The following TEX11 variants were observed in gnomAD, a reference collection of about 807,000 sequenced individuals.
The protein encoded by TEX11 is testis-expressed protein 11.
In TEX11, 7 loss-of-function variants were observed where a neutral mutation model predicts 84.4. The observed-to-expected ratio is 0.08, with a 90% CI of 0.05 to 0.16. The LOEUF is 0.16. TEX11 is among the 10% of genes least tolerant of loss of function. The pLI, the probability that TEX11 is intolerant of heterozygous loss-of-function variation, is 1.00. For missense variants in TEX11, 551 were observed against 660.5 expected, an observed-to-expected ratio of 0.83 and a Z score of 1.82; for synonymous variants, 264 against 222.8, an observed-to-expected ratio of 1.18 and a Z score of -1.64.
At chrX:70,657,772 G>C (rs1212267231) in intron 16 of TEX11, among the ~76,000 whole-genome samples, 1 of 108,315 alleles carries the variant, frequency 9.2e-6, no homozygotes, top group Non-Finnish European at 1.9e-5. Flanking sequence ...CATGTCCTTT[G>C]TAGGTACATG....
rs1020196637 is a variant in TEX11 at position 70,789,568 on chromosome X, A to G, written c.692+17137T>C. On this transcript the variant is annotated intron_variant, in intron 9 of 29. Coordinates refer to ENST00000374333, the MANE Select transcript of TEX11 (RefSeq NM_031276.3). ...GAGCAAGACTCTGTCTCAAACAAAC[A>G]AACAAACAAAAAACCCACAATGAGA... is the stretch of plus-strand genomic sequence containing the variant. 1.8e-4 allele frequency among the ~76,000 whole-genome samples: 20 copies of G among 112,055 alleles called. No individual in the cohort carries two copies. The Admixed American group carries it at 1.9e-3, about 11-fold the overall frequency.
intron 23 of TEX11, 52 bp downstream of exon 23, chrX:70,606,907 G>T: frequency 2.3e-6 from 2 of 851,641 alleles, no homozygotes; most frequent in Non-Finnish European, 3.3e-6. Flanking sequence ...AGCCATAGTG[G>T]TTATAGCCTT....
downstream of TEX11, among the ~76,000 whole-genome samples, chrX:70,526,962 T>A (rs759790393): frequency 8.9e-6 from 1 of 112,153 alleles, no homozygotes; most frequent in South Asian, 3.7e-4. Context: ...ATAATGATAA[T>A]GGCTTATAAC....
At chrX:70,552,391 T>A in intron 27 of TEX11, 145 bp from the exon 28 acceptor site, 1 of 681,648 alleles carries the variant, frequency 1.5e-6, no homozygotes, top group Non-Finnish European at 2.1e-6. Context: ...GCCTCCAACC[T>A]CAGAAGACAG....
At chrX:70,631,558 A>G (rs763403682) in intron 17 of TEX11, among the ~76,000 whole-genome samples, 2 of 102,775 alleles carry the variant, frequency 1.9e-5, no homozygotes, top group South Asian at 9.7e-4. Flanking sequence ...TGTTGTTGTA[A>G]GCTATTAACT....
chrX:70,726,903 G>A (rs1222179195), intron 11 of TEX11, among the ~76,000 whole-genome samples: 1 of 108,303 alleles, frequency 9.2e-6, no homozygotes, highest in African/African-American at 3.4e-5. Context: ...GTACAAACAC[G>A]GCTCACTGCA....
intron 15 of TEX11, among the ~76,000 whole-genome samples, chrX:70,670,850 C>G (rs1444879532): frequency 8.9e-6 from 1 of 111,932 alleles, no homozygotes; most frequent in Non-Finnish European, 1.9e-5. Flanking sequence ...AAAGAGAACA[C>G]CCATAATTCA....
At chrX:70,740,871 C>A in intron 10 of TEX11, 75 bp from the exon 11 acceptor site, 1 of 605,184 alleles carries the variant, frequency 1.7e-6, no homozygotes, top group South Asian at 3.8e-5. Context: ...CTAGCACTCC[C>A]ACAGTGACAG....
At chrX:70,568,388 G>A (rs1291120173) in intron 25 of TEX11, among the ~76,000 whole-genome samples, 1 of 110,397 alleles carries the variant, frequency 9.1e-6, no homozygotes, top group Non-Finnish European at 1.9e-5. Flanking sequence ...TTTAATTGGA[G>A]CATTTAGTCC....
intron 2 of TEX11, among the ~76,000 whole-genome samples, chrX:70,891,750 C>G (rs1423762109): frequency 9.0e-6 from 1 of 111,712 alleles, no homozygotes; most frequent in Non-Finnish European, 1.9e-5. Context: ...ATCCAACTTA[C>G]GATTGATTGG....
At chrX:70,571,058 G>A (rs773975132) in intron 25 of TEX11, among the ~76,000 whole-genome samples, 33 of 111,073 alleles carry the variant, frequency 3.0e-4, no homozygotes, top group Non-Finnish European at 4.7e-4. Context: ...TTTCTCTGTC[G>A]CCCAGGCTGG....
intron 9 of TEX11, among the ~76,000 whole-genome samples, chrX:70,750,031 A>C (rs889003952): frequency 9.0e-6 from 1 of 111,223 alleles, no homozygotes; most frequent in African/African-American, 3.3e-5. Context: ...CATATGACAA[A>C]GGGCTAATAT....
intron 25 of TEX11, among the ~76,000 whole-genome samples, chrX:70,589,318 A>G (rs928704136): frequency 2.7e-5 from 3 of 109,756 alleles, no homozygotes; most frequent in Non-Finnish European, 5.7e-5. Flanking sequence ...AAGTCTATAT[A>G]TAAACTATAT....
chrX:70,560,227 C>T (rs753092306), intron 25 of TEX11, among the ~76,000 whole-genome samples: 76 of 109,145 alleles, frequency 7.0e-4, no homozygotes, highest in Admixed American at 6.4e-3. Context: ...TTCAGCTGAC[C>T]GTGACCTCCG....
rs780011355 is a variant in TEX11, at chrX:70,782,645, C to CAAAAAAAAAAAAAA, written c.692+24046_692+24059dup. ...GAAGATCTACCAAGCAAATGGAAAG[C>CAAAAAAAAAAAAAA]AAAAAAAAAAAAAAAAAAAAACAGG... is the stretch of plus-strand genomic sequence containing the variant. On this transcript the variant is annotated intron_variant, in intron 9 of 29. Transcript: ENST00000374333. Among the ~76,000 whole-genome samples the CAAAAAAAAAAAAAA allele has an allele frequency of 5.2e-4, 15 of 28,898 alleles. 1 individual carries two copies. The highest frequency in any genetic ancestry group is 1.9e-3 in the East Asian group (1 of 524). The allele number at this position is 28,898 out of a possible 115,157, so 25.1% of individuals were successfully genotyped here.
chrX:70,871,333 T>C (rs1355507996), intron 4 of TEX11, among the ~76,000 whole-genome samples: 1 of 112,481 alleles, frequency 8.9e-6, no homozygotes, highest in Non-Finnish European at 1.9e-5. Flanking sequence ...ATCTGTAGGC[T>C]CAGTCCTGAC....
intron 17 of TEX11, among the ~76,000 whole-genome samples, chrX:70,649,381 T>C (rs2089785530): frequency 8.9e-6 from 1 of 111,839 alleles, no homozygotes; most frequent in Non-Finnish European, 1.9e-5. Context: ...CAGCATCTGT[T>C]GTTTCTTGAC....
At chrX:70,720,805 A>G (rs1470603420) in intron 13 of TEX11, among the ~76,000 whole-genome samples, 1 of 107,300 alleles carries the variant, frequency 9.3e-6, no homozygotes, top group East Asian at 2.8e-4. Flanking sequence ...CCATATTTTT[A>G]TGTGAAATTT....
At chrX:70,691,773 G>A (rs1386594881) in intron 13 of TEX11, among the ~76,000 whole-genome samples, 8 of 109,652 alleles carry the variant, frequency 7.3e-5, no homozygotes, top group African/African-American at 2.3e-4. Flanking sequence ...TAATAATAAT[G>A]TATTATATAC....
Sources: allele counts gnomAD v4.1 joint callset (sites outside exome capture counted in the v4.1 genomes callset), GRCh38; gene constraint gnomAD v4.1.1; transcripts MANE v1.5; gene names NCBI Gene and HGNC (gene_info 2026-07-23, HGNC 2026-07-21).